Variants in TXNDC9 observed in about 807,000 individuals in gnomAD.
The protein encoded by TXNDC9 is thioredoxin domain containing 9, also known as thioredoxin domain-containing protein 9.
TXNDC9 carries 7 observed loss-of-function variants against 23.0 expected under a neutral mutation model. The observed-to-expected ratio is 0.30, with a 90% CI of 0.17 to 0.57. The LOEUF (loss-of-function observed/expected upper bound fraction) is 0.57. Ranked by LOEUF, TXNDC9 falls within the 20% of genes least tolerant of loss-of-function variation. The pLI is 0.90. For synonymous variants in TXNDC9, 72 were observed against 90.6 expected, an observed-to-expected ratio of 0.79 and a Z score of 1.17; for missense variants, 198 against 252.6, an observed-to-expected ratio of 0.78 and a Z score of 1.47.
chr2:99,323,424 A>G (rs150016034), intron 3 of TXNDC9, among the ~76,000 whole-genome samples: 59 of 151,750 alleles, frequency 3.9e-4, no homozygotes, highest in African/African-American at 1.4e-3. Context: ...AAAAAAAGTG[A>G]CATCTTCTTT....
At chr2:99,317,077 T>C (rs1175585990), downstream of TXNDC9, among the ~76,000 whole-genome samples, 1 of 152,210 alleles carries the variant, frequency 6.6e-6, no homozygotes, top group Non-Finnish European at 1.5e-5. Flanking sequence ...TTTAAATTCC[T>C]TTCTTTGTTG....
intron 4 of TXNDC9, among the ~76,000 whole-genome samples, chr2:99,320,265 C>T (rs2094198427): frequency 6.6e-6 from 1 of 152,200 alleles, no homozygotes; most frequent in Non-Finnish European, 1.5e-5. Context: ...GCTTTGGCAT[C>T]CCAAAGTGCT....
chr2:99,331,400 C>T (rs929439608), intron 2 of TXNDC9, among the ~76,000 whole-genome samples: 22 of 151,468 alleles, frequency 1.5e-4, no homozygotes, highest in African/African-American at 4.9e-4. Context: ...CATGATGAAA[C>T]CCCATCTCTA....
downstream of TXNDC9, among the ~76,000 whole-genome samples, chr2:99,317,048 G>A (rs751093302): frequency 3.3e-5 from 5 of 152,210 alleles, no homozygotes; most frequent in South Asian, 2.1e-4. Flanking sequence ...GAGCTACCGC[G>A]CCCAGCCTAT....
At chr2:99,331,973 G>A (rs959294711) in intron 2 of TXNDC9, among the ~76,000 whole-genome samples, 5 of 152,024 alleles carry the variant, frequency 3.3e-5, no homozygotes, top group Admixed American at 6.6e-5. Flanking sequence ...CAGGTTGTCC[G>A]CTCACCTTGG....
At chr2:99,326,273 C>T (rs981574726) in intron 3 of TXNDC9, among the ~76,000 whole-genome samples, 1 of 152,032 alleles carries the variant, frequency 6.6e-6, no homozygotes, top group African/African-American at 2.4e-5. Context: ...CAATGAATAC[C>T]AGGCAATCAA....
downstream of TXNDC9, among the ~76,000 whole-genome samples, chr2:99,315,994 T>G (rs1574901078): frequency 6.6e-6 from 1 of 152,022 alleles, no homozygotes; most frequent in South Asian, 2.1e-4. Context: ...TATCTGGGAG[T>G]GGAGGTTTTT....
At chr2:99,325,321 C>T (rs2094210719) in intron 3 of TXNDC9, among the ~76,000 whole-genome samples, 1 of 152,144 alleles carries the variant, frequency 6.6e-6, no homozygotes, top group Admixed American at 6.5e-5. Context: ...GTTCCAATCT[C>T]TCTCTTTTTT....
At chr2:99,330,059 G>A (rs987561527) in intron 2 of TXNDC9, among the ~76,000 whole-genome samples, 1 of 151,924 alleles carries the variant, frequency 6.6e-6, no homozygotes, top group African/African-American at 2.4e-5. Flanking sequence ...GGAGGCTGAG[G>A]TGGGCGGATC....
chr2:99,321,082 A>G (rs1195842590), intron 4 of TXNDC9: 6 of 151,918 alleles, frequency 3.9e-5, no homozygotes, highest in Admixed American at 3.9e-4. Flanking sequence ...TTCAAAATAT[A>G]TAACTTTATT....
chr2:99,320,625 G>A (rs1265148905), intron 4 of TXNDC9, among the ~76,000 whole-genome samples: 1 of 152,182 alleles, frequency 6.6e-6, no homozygotes. Flanking sequence ...TTGGGACAAT[G>A]AGAAAACTTG....
In TXNDC9 at chr2:99,322,077, T is replaced by C. The variant is rs766251115; in HGVS notation, c.441A>G (p.Ala147=). 6.2e-7 allele frequency: 1 copy of C among 1,614,198 alleles called. No homozygotes were observed. The highest frequency in any genetic ancestry group is 2.2e-5 in the East Asian group (1 of 44,866). Residue 147 remains alanine, a synonymous_variant, in exon 4 of 5, where the codon GCA becomes GCG. Transcript: ENST00000264255. ...CTTGTGTTTTCCCATCTTTTAGCAG[T>C]GCTAGTGTGGGAATGACTTTGATAT... ...RLHIKVIPTL[A]LLKDGKTQDY... is the part of the protein sequence containing the mutation.
chr2:99,317,818 G>A (rs575319019), downstream of TXNDC9, among the ~76,000 whole-genome samples: 8 of 151,886 alleles, frequency 5.3e-5, no homozygotes, highest in South Asian at 2.1e-4. Context: ...ACAAGTCGCC[G>A]CAGTTTAATC....
At chr2:99,311,980 CAG>C in the TXNDC9 span, among the ~76,000 whole-genome samples, 1 of 152,050 alleles carries the variant, frequency 6.6e-6, no homozygotes, top group African/African-American at 2.4e-5. Flanking sequence ...CACATTTAAT[CAG>C]ACAGTTTTAT....
At chr2:99,322,479 A>G (rs12464785) in intron 3 of TXNDC9, 562,826 of 1,360,880 alleles carry the variant, frequency 0.41, 118,397 homozygotes, top group Admixed American at 0.6. Context: ...GCTTTAAGTC[A>G]TAAAGGAAGT....
chr2:99,329,492 C>A (rs186955593), intron 2 of TXNDC9, among the ~76,000 whole-genome samples: 17 of 152,312 alleles, frequency 1.1e-4, no homozygotes, highest in African/African-American at 4.1e-4. Flanking sequence ...GTGGCCCAGA[C>A]TATATTGATG....
rs1419747387 is a variant in TXNDC9 at position 99,322,228 on chromosome 2, A to C, written c.309-19T>G. Reference sequence around the variant, plus strand: ...TTTACACCTGTAAGTGACCACACATAGAAAATTATAAGCTAAAACCACAGA... The same window carrying C: ...TTTACACCTGTAAGTGACCACACATCGAAAATTATAAGCTAAAACCACAGA... On this transcript the variant is annotated intron_variant, in intron 3 of 4. Coordinates refer to ENST00000264255, the MANE Select transcript of TXNDC9 (RefSeq NM_005783.4). 1 of 1,596,650 alleles carries C rather than the reference A, an allele frequency of 6.3e-7. No homozygotes were observed. The highest frequency in any genetic ancestry group is 1.8e-5 in the Admixed American group (1 of 57,108).
At chr2:99,322,739 A>T in intron 3 of TXNDC9, 2 of 1,392,822 alleles carry the variant, frequency 1.4e-6, no homozygotes, top group Non-Finnish European at 1.9e-6. Flanking sequence ...CTAGGAAATT[A>T]AAAAATACCA....
At chr2:99,309,103 G>C in the TXNDC9 span, among the ~76,000 whole-genome samples, 2 of 151,908 alleles carry the variant, frequency 1.3e-5, no homozygotes, top group Non-Finnish European at 2.9e-5. Context: ...TTTAAAATAG[G>C]CCTGGTGCTG....
Sources: gnomAD v4.1 joint callset for allele counts (sites outside exome capture counted in the v4.1 genomes callset) on GRCh38, gnomAD v4.1.1 for gene constraint, MANE v1.5 for transcripts, NCBI Gene and HGNC (gene_info 2026-07-23, HGNC 2026-07-21) for gene names.